ZNF274: variants seen among roughly 807,000 people sequenced by gnomAD.
ZNF274 encodes the protein zinc finger protein 274.
In ZNF274, 23 loss-of-function variants were observed where a neutral mutation model predicts 42.5. That is an observed-to-expected ratio of 0.54 (90% CI 0.39 to 0.77). ZNF274 has a LOEUF of 0.77. ZNF274 is among the 30% of genes least tolerant of loss of function. The pLI is 0.00. For missense variants in ZNF274, 679 were observed against 806.5 expected (o/e 0.84, Z 1.91); for synonymous variants, 292 against 305.4 (o/e 0.96, Z 0.46).
intron 4 of ZNF274, among the ~76,000 whole-genome samples, chr19:58,188,616 AAAAAATAT>A (rs1285442803): frequency 0.027 from 1,626 of 60,680 alleles, 61 homozygotes; most frequent in Admixed American, 0.11. Flanking sequence ...AAAAAAAAAA[AAAAAATAT>A]ATATATATAT....
intron 4 of ZNF274, among the ~76,000 whole-genome samples, chr19:58,200,069 T>C (rs944380422): frequency 2.0e-5 from 3 of 152,236 alleles, no homozygotes; most frequent in African/African-American, 7.2e-5. Context: ...GCAAACTATG[T>C]GTGCTTTCAT....
chr19:58,191,966 C>G (rs2075783117), intron 4 of ZNF274, among the ~76,000 whole-genome samples: 1 of 152,142 alleles, frequency 6.6e-6, no homozygotes, highest in South Asian at 2.1e-4. Context: ...TACACAGATA[C>G]AGTGATAAAT....
chr19:58,200,405 A>G (rs931831121), intron 4 of ZNF274, among the ~76,000 whole-genome samples: 10 of 152,246 alleles, frequency 6.6e-5, no homozygotes, highest in Non-Finnish European at 4.4e-5. Context: ...TGATAAATTA[A>G]TGAATCAGAT....
chr19:58,188,086 A>C (rs79894507), intron 4 of ZNF274, among the ~76,000 whole-genome samples: 6,317 of 152,290 alleles, frequency 0.041, 173 homozygotes, highest in East Asian at 0.12. Flanking sequence ...TTTGGTGGAC[A>C]TTAAATTTAC....
chr19:58,213,206 G>T lies in ZNF274; in HGVS notation c.*63G>T. On this transcript the variant is annotated 3_prime_UTR_variant, in exon 8 of 8. Coordinates refer to ENST00000617501, the MANE Select transcript of ZNF274 (RefSeq NM_133502.3). ...TGACCCTGCAATATAACATGCACAG[G>T]CCTGCTTGTGAATCAGGACTGAATG... 1 of 1,528,442 alleles carries T rather than the reference G, an allele frequency of 6.5e-7. No individual in the cohort carries two copies. Among genetic ancestry groups the T allele is most frequent in the Non-Finnish European group, 8.8e-7 (1 of 1,141,594 alleles). 94.7% of individuals were successfully genotyped at this position (1,528,442 alleles called of 1,614,324 possible). A position where few individuals can be genotyped will look rare whatever the true frequency, so the allele number is the denominator to read the frequency against.
intron 4 of ZNF274, among the ~76,000 whole-genome samples, chr19:58,197,750 C>T (rs887870237): frequency 5.3e-5 from 8 of 152,138 alleles, no homozygotes; most frequent in African/African-American, 1.7e-4. Flanking sequence ...AAGAACTCTG[C>T]GGGGCCCACA....
Position 58,211,373 on chromosome 19 carries a change from C to G in ZNF274, c.853-187C>G. 1 of 631,000 alleles carries G rather than the reference C, an allele frequency of 1.6e-6. No homozygotes were observed. Among genetic ancestry groups the G allele is most frequent in the Non-Finnish European group, 2.5e-6 (1 of 395,920 alleles). The allele number at this position is 631,000 out of a possible 1,614,324, so 39.1% of individuals were successfully genotyped here. On this transcript the variant is annotated intron_variant, in intron 6 of 7. Transcript: ENST00000617501. The surrounding 1 kb of genome is among the most constrained non-coding windows in gnomAD (Gnocchi z 4.8). ...GGGCTCTGCCTCCCAGCCTGAGACC[C>G]AGACCCTGGTTTGGACCCAGTAGAA...
chr19:58,213,152 C>G lies in ZNF274; in HGVS notation c.*9C>G, dbSNP rs2146257788. On this transcript the variant is annotated 3_prime_UTR_variant, in exon 8 of 8. Transcript: ENST00000617501. ...AACAGCCTACCTCATAGCTCTCAAG[C>G]CAGTTGAAGAAACCTTGCCTTTTCA... 1 of 1,593,950 alleles carries G rather than the reference C, an allele frequency of 6.3e-7. No homozygotes were observed. The highest frequency in any genetic ancestry group is 1.1e-5 in the South Asian group (1 of 89,460).
At position 58,183,990 on chromosome 19, in the gene ZNF274, T is replaced by C. The variant is rs1190268245; in HGVS notation, c.25T>C (p.Trp9Arg). 2 of 1,594,500 alleles carry C rather than the reference T, an allele frequency of 1.3e-6. No individual in the cohort carries two copies. The highest frequency in any genetic ancestry group is 1.8e-5 in the Admixed American group (1 of 56,738). The change falls in exon 2 of 8, where the codon TGG (tryptophan) becomes CGG (arginine). Residue 9 changes from tryptophan (W) to arginine (R), a missense_variant. Trp to Arg is a moderately radical substitution (Grantham distance 101). Around this residue, in one of 2 missense-constraint regions of ZNF274, gnomAD observed 223 missense variants for 216.4 expected, o/e 1.03. Transcript: ENST00000617501. Reference sequence around the variant, plus strand: ...TATGGCCTCCAGGCTTCCGACGGCCTGGTCCTGTGTGAGTAGAGGCTTCCT... The same window carrying C: ...TATGGCCTCCAGGCTTCCGACGGCCCGGTCCTGTGTGAGTAGAGGCTTCCT... MASRLPTA[W>R]SCEPVTFEDV...
intron 4 of ZNF274, chr19:58,202,457 C>A (rs935246415): frequency 2.0e-5 from 3 of 152,242 alleles, no homozygotes; most frequent in African/African-American, 7.2e-5. Context: ...CTTGATTAAA[C>A]CCCTTGCTTT....
In ZNF274 at chr19:58,210,713, TTTC is replaced by T. The variant is rs201967485; in HGVS notation, c.852+649_852+651del. 179 of 153,260 alleles carry T rather than the reference TTTC, an allele frequency of 1.2e-3. No individual in the cohort carries two copies. In the East Asian group the frequency reaches 0.023, roughly 19 times the overall value. The allele number at this position is 153,260 out of a possible 1,614,324, so 9.5% of individuals were successfully genotyped here. A position where few individuals can be genotyped will look rare whatever the true frequency, so the allele number is the denominator to read the frequency against. On this transcript the variant is annotated intron_variant, in intron 6 of 7. Transcript: ENST00000617501. ...TGTTTCATGGCTCTGCTTTCTCCCCTTTCTTCTTCTTTTTTTTTGAGATGGAGT... is the reference window on the plus strand; with the variant it reads ...TGTTTCATGGCTCTGCTTTCTCCCCTTTCTTCTTTTTTTTTGAGATGGAGT...
At position 58,197,533 on chromosome 19, in the gene ZNF274, G is replaced by A. The variant is rs189748846; in HGVS notation, c.257-9187G>A. On this transcript the variant is annotated intron_variant, in intron 4 of 7. Coordinates refer to ENST00000617501, the MANE Select transcript of ZNF274 (RefSeq NM_133502.3). ...ATATTTAAAATATGGATGAGAGCAGGTGTTCTTTTACTTCTGTATGTCCCC... is the reference window on the plus strand; with the variant it reads ...ATATTTAAAATATGGATGAGAGCAGATGTTCTTTTACTTCTGTATGTCCCC... 7.6e-4 allele frequency among the ~76,000 whole-genome samples: 116 copies of A among 152,282 alleles called. 1 individual carries two copies. Among genetic ancestry groups the A allele is most frequent in the African/African-American group, 2.6e-3 (110 of 41,564 alleles).
chr19:58,192,992 A>G (rs185618415), intron 4 of ZNF274, among the ~76,000 whole-genome samples: 1 of 152,050 alleles, frequency 6.6e-6, no homozygotes, highest in African/African-American at 2.4e-5. Context: ...CAGTTTCCCA[A>G]AGTGCTGAGA....
rs577083322 is a variant in ZNF274 at position 58,207,156 on chromosome 19, G to A, written c.693G>A (p.Glu231=). 7.4e-6 allele frequency: 12 copies of A among 1,613,408 alleles called. 1 individual carries two copies. Among genetic ancestry groups the A allele is most frequent in the Middle Eastern group, 1.7e-4 (1 of 6,034 alleles). ...CGCAGCACCCAGAGAACTGCCAAGA[G>A]GTGGTGGCCCTGGTAGAGGGTGTGA... The part of the protein sequence containing the change: ...VESQHPENCQ[E]VVALVEGVTW... Residue 231 remains glutamate (E), a synonymous_variant, in exon 5 of 8, where the codon GAG becomes GAA. Transcript: ENST00000617501. The surrounding 1 kb of genome is among the most constrained non-coding windows in gnomAD (Gnocchi z 5.6).
intron 4 of ZNF274, among the ~76,000 whole-genome samples, chr19:58,202,886 C>A (rs1024067555): frequency 3.9e-5 from 6 of 152,064 alleles, no homozygotes; most frequent in Non-Finnish European, 8.8e-5. Context: ...GGTTCCACAG[C>A]ATGCAAAAGG....
intron 4 of ZNF274, among the ~76,000 whole-genome samples, chr19:58,190,147 CTCTCT>C (rs1264038174): frequency 6.8e-6 from 1 of 147,480 alleles, no homozygotes; most frequent in Admixed American, 6.9e-5. Context: ...AAATTTATCT[CTCTCT>C]TTTTTTTTTT....
rs748433562 is a variant in ZNF274, at chr19:58,212,785, A to G, written c.1604A>G (p.Tyr535Cys). 5 of 1,613,914 alleles carry G rather than the reference A, an allele frequency of 3.1e-6. No individual in the cohort carries two copies. Among genetic ancestry groups the G allele is most frequent in the Non-Finnish European group, 4.2e-6 (5 of 1,179,912 alleles). The change falls in exon 8 of 8, where the codon TAT becomes TGT. Residue 535 changes from tyrosine (Y) to cysteine (C), a missense_variant. Physicochemically the swap from Tyr to Cys is radical, Grantham distance 194. Transcript: ENST00000617501. The surrounding 1 kb of genome is among the most constrained non-coding windows in gnomAD (Gnocchi z 4.6). Reference protein sequence around the residue: ...HKKIHTGERPYVCQDCGKGFV... With the variant: ...HKKIHTGERPCVCQDCGKGFV... ...AAAATCCATACCGGAGAGAGGCCCT[A>G]TGTGTGTCAAGACTGTGGGAAAGGA...
chr19:58,194,373 T>TTC (rs1294444818), intron 4 of ZNF274, among the ~76,000 whole-genome samples: 1 of 104,574 alleles, frequency 9.6e-6, no homozygotes, highest in Non-Finnish European at 2.1e-5. Flanking sequence ...TTTTTTACCT[T>TTC]TTTTTTTTTT....
Position 58,212,464 on chromosome 19 carries a change from AG to A in ZNF274, c.1285del (p.Ala429GlnfsTer32). On this transcript the variant is annotated frameshift_variant, in exon 8 of 8. Coordinates refer to ENST00000617501, the MANE Select transcript of ZNF274 (RefSeq NM_133502.3). LOFTEE classifies it low-confidence loss of function (END_TRUNC). The surrounding 1 kb of genome is among the most constrained non-coding windows in gnomAD (Gnocchi z 4.6). The stretch of plus-strand genomic sequence containing the variant: ...CAGAAAATTGACAACCCTGAGTCCC[AG>A]GCAAACAGTGGCGCTCTTGACACAA... The part of the protein sequence containing the change: ...SLQKIDNPES[Q>X]ANSGALDTNQ... 2 of 1,613,624 alleles carry A rather than the reference AG, an allele frequency of 1.2e-6. No homozygotes were observed. Among genetic ancestry groups the A allele is most frequent in the Non-Finnish European group, 1.7e-6 (2 of 1,179,794 alleles).
Sources: allele counts gnomAD v4.1 joint callset (sites outside exome capture counted in the v4.1 genomes callset), GRCh38; gene constraint gnomAD v4.1.1; regional missense constraint gnomAD v4.1.1; non-coding constraint Gnocchi (gnomAD v3.1); transcripts MANE v1.5; gene names NCBI Gene and HGNC (gene_info 2026-07-23, HGNC 2026-07-21).